Variants in ATXN10 observed in about 807,000 individuals in gnomAD.
ATXN10 encodes the protein ataxin 10.
In ATXN10, 28 loss-of-function variants were observed where a neutral mutation model predicts 52.9. The ratio of observed to expected loss-of-function variants is 0.53; its 90% CI spans 0.39 to 0.73. The LOEUF (loss-of-function observed/expected upper bound fraction) is 0.73. Among genes scored for constraint, ATXN10 ranks in the 30% least tolerant of loss-of-function variants. The pLI is 0.00. For missense variants in ATXN10, 565 were observed against 577.0 expected (o/e 0.98, Z 0.21); for synonymous variants, 226 against 221.5 (o/e 1.02, Z -0.18).
At chr22:45,788,904 C>G (rs565191415) in intron 9 of ATXN10, among the ~76,000 whole-genome samples, 1 of 152,270 alleles carries the variant, frequency 6.6e-6, no homozygotes, top group Admixed American at 6.5e-5. Context: ...CCACCTCACC[C>G]TCCGAAAGCA....
chr22:45,811,609 G>GGT, intron 10 of ATXN10: 2 of 420,618 alleles, frequency 4.8e-6, no homozygotes, highest in South Asian at 3.6e-5. Context: ...ATACCGCCTG[G>GGT]GTGTGTAGTA....
At chr22:45,722,245 A>G (rs1601606367) in intron 6 of ATXN10, among the ~76,000 whole-genome samples, 1 of 152,206 alleles carries the variant, frequency 6.6e-6, no homozygotes, top group Non-Finnish European at 1.5e-5. Flanking sequence ...AGTAACTAGC[A>G]TTTGTCAGAC....
intron 10 of ATXN10, among the ~76,000 whole-genome samples, chr22:45,821,658 C>T (rs990710571): frequency 1.3e-5 from 2 of 152,154 alleles, no homozygotes; most frequent in Admixed American, 6.5e-5. Context: ...GTATAACTTA[C>T]ATATAGTAAA....
At chr22:45,756,765 T>A (rs761518678) in intron 9 of ATXN10, among the ~76,000 whole-genome samples, 4 of 152,214 alleles carry the variant, frequency 2.6e-5, no homozygotes, top group Non-Finnish European at 5.9e-5. Context: ...TTAGCTCATA[T>A]TACTCTCAGA....
chr22:45,822,794 T>C (rs1262731538), intron 10 of ATXN10, among the ~76,000 whole-genome samples: 1 of 152,156 alleles, frequency 6.6e-6, no homozygotes, highest in Admixed American at 6.5e-5. Context: ...AGTGTTGGGA[T>C]TACAGATGTG....
rs372987203 is a variant in ATXN10, at chr22:45,840,793, A to G, written c.1238-2198A>G. 3.9e-5 allele frequency among the ~76,000 whole-genome samples: 6 copies of G among 152,302 alleles called. No individual in the cohort carries two copies. The East Asian group carries it at 9.6e-4, about 24-fold the overall frequency. ...GAATTTCAGCTTTCCTACTTTAATT[A>G]TATTTAAGTGAATAACCAGGACGTT... is the stretch of plus-strand genomic sequence containing the variant. On this transcript the variant is annotated intron_variant, in intron 10 of 11. Coordinates refer to ENST00000252934, the MANE Select transcript of ATXN10 (RefSeq NM_013236.4). This position sits in a 1 kb window ranked among gnomAD's most constrained non-coding sequence, Gnocchi z 5.8.
chr22:45,774,652 G>T lies in ATXN10; in HGVS notation c.1174-32307G>T, dbSNP rs189032067. 1.3e-5 allele frequency among the ~76,000 whole-genome samples: 2 copies of T among 152,284 alleles called. No homozygotes were observed. Among genetic ancestry groups the T allele is most frequent in the East Asian group, 3.9e-4 (2 of 5,170 alleles). On this transcript the variant is annotated intron_variant, in intron 9 of 11. Transcript: ENST00000252934. The surrounding 1 kb of genome is among the most constrained non-coding windows in gnomAD (Gnocchi z 6.2). The stretch of plus-strand genomic sequence containing the variant: ...TTTTTTACAAAATAAAGGCAGGGGG[G>T]CTGGACGCGGTGGCTCACGCTTATA...
intron 9 of ATXN10, chr22:45,793,713 T>C (rs538870306): frequency 2.0e-6 from 3 of 1,478,248 alleles, no homozygotes; most frequent in East Asian, 2.7e-5. Context: ...GCTGAGGCCC[T>C]CTTGCCTGCT....
At position 45,828,168 on chromosome 22, in the gene ATXN10, T is replaced by C. The variant is rs964817248; in HGVS notation, c.1238-14823T>C. The stretch of plus-strand genomic sequence containing the variant: ...GAGTTCAGGACCTGCCTGGGCAACA[T>C]GGTGAAGCCCCATCTCTATTAAAAA... On this transcript the variant is annotated intron_variant, in intron 10 of 11. Coordinates refer to ENST00000252934, the MANE Select transcript of ATXN10 (RefSeq NM_013236.4). The surrounding 1 kb of genome is among the most constrained non-coding windows in gnomAD (Gnocchi z 4.5). Among the ~76,000 whole-genome samples the C allele has an allele frequency of 2.0e-5, 3 of 150,680 alleles. No individual in the cohort carries two copies. Among genetic ancestry groups the C allele is most frequent in the Non-Finnish European group, 4.4e-5 (3 of 67,806 alleles).
At chr22:45,706,524 A>G (rs1688846328) in intron 5 of ATXN10, among the ~76,000 whole-genome samples, 1 of 152,168 alleles carries the variant, frequency 6.6e-6, no homozygotes, top group Admixed American at 6.5e-5. Flanking sequence ...TCTTTTTTAC[A>G]TAGGCATTTA....
rs1396134498 is a variant in ATXN10 at position 45,763,413 on chromosome 22, CCTCG to C, written c.1173+22882_1173+22885del. ...CAAGCTGAGGCCTTTGGACTTGGCC[CCTCG>C]CTCGCTTTGCCAGGAGACAGGCGGC... On this transcript the variant is annotated intron_variant, in intron 9 of 11. Coordinates refer to ENST00000252934, the MANE Select transcript of ATXN10 (RefSeq NM_013236.4). This position sits in a 1 kb window ranked among gnomAD's most constrained non-coding sequence, Gnocchi z 6.9. Among the ~76,000 whole-genome samples, 15 of 152,168 alleles carry C rather than the reference CCTCG, an allele frequency of 9.9e-5. No homozygotes were observed. Among genetic ancestry groups the C allele is most frequent in the African/African-American group, 3.6e-4 (15 of 41,444 alleles).
chr22:45,742,839 C>G (rs75323048), intron 9 of ATXN10, among the ~76,000 whole-genome samples: 1 of 147,722 alleles, frequency 6.8e-6, no homozygotes, highest in South Asian at 2.1e-4. Context: ...TGATTCCCCC[C>G]TTGGGAAATT....
At chr22:45,767,411 A>C (rs957440120) in intron 9 of ATXN10, among the ~76,000 whole-genome samples, 2 of 151,918 alleles carry the variant, frequency 1.3e-5, no homozygotes, top group South Asian at 4.1e-4. Context: ...ATATATTTAT[A>C]TACACATATG....
rs1926200562 is a variant in ATXN10 at position 45,757,100 on chromosome 22, C to CAAG, written c.1173+16562_1173+16563insAAG. Among the ~76,000 whole-genome samples, 1 of 152,088 alleles carries CAAG rather than the reference C, an allele frequency of 6.6e-6. No individual in the cohort carries two copies. Among genetic ancestry groups the CAAG allele is most frequent in the Non-Finnish European group, 1.5e-5 (1 of 68,012 alleles). ...GCGGAGGAATGGCTTTGGTCTGCAC[C>CAAG]TGCAGCTCTGGACGGACTGCCTGGG... On this transcript the variant is annotated intron_variant, in intron 9 of 11. Transcript: ENST00000252934. The surrounding 1 kb of genome is among the most constrained non-coding windows in gnomAD (Gnocchi z 4.6).
In ATXN10 at chr22:45,715,371, C is replaced by T. The variant is rs1183393332; in HGVS notation, c.648-3042C>T. On this transcript the variant is annotated intron_variant, in intron 5 of 11. Coordinates refer to ENST00000252934, the MANE Select transcript of ATXN10 (RefSeq NM_013236.4). The surrounding 1 kb of genome is among the most constrained non-coding windows in gnomAD (Gnocchi z 4.4). ...TTCAGCCATGGGCAGGACTCATAGA[C>T]AAATATCAGTATAGACTGATGTTTT... is the stretch of plus-strand genomic sequence containing the variant. Among the ~76,000 whole-genome samples, 1 of 152,136 alleles carries T rather than the reference C, an allele frequency of 6.6e-6. No homozygotes were observed. The highest frequency in any genetic ancestry group is 1.5e-5 in the Non-Finnish European group (1 of 68,022).
chr22:45,717,815 T>C (rs1405678936), intron 5 of ATXN10, among the ~76,000 whole-genome samples: 2 of 152,192 alleles, frequency 1.3e-5, no homozygotes, highest in Non-Finnish European at 2.9e-5. Context: ...ATATAATTCA[T>C]AATTAATTAA....
rs1926878421 is a variant in ATXN10 at position 45,774,338 on chromosome 22, C to T, written c.1174-32621C>T. ...AATGGCAGCCTGTCCCTACCAGTCC[C>T]TGCATCGCTATTTTGGAGTGAGACA... On this transcript the variant is annotated intron_variant, in intron 9 of 11. Coordinates refer to ENST00000252934, the MANE Select transcript of ATXN10 (RefSeq NM_013236.4). The surrounding 1 kb of genome is among the most constrained non-coding windows in gnomAD (Gnocchi z 6.2). 6.6e-6 allele frequency among the ~76,000 whole-genome samples: 1 copy of T among 152,238 alleles called. No homozygotes were observed. The highest frequency in any genetic ancestry group is 1.5e-5 in the Non-Finnish European group (1 of 68,046).
intron 5 of ATXN10, among the ~76,000 whole-genome samples, chr22:45,717,665 TA>T (rs1379398680): frequency 6.6e-6 from 1 of 152,212 alleles, no homozygotes; most frequent in African/African-American, 2.4e-5. Flanking sequence ...AATATAGTTT[TA>T]TTGTATTTTT....
At chr22:45,693,188 A>C (rs1371548364) in intron 3 of ATXN10, 110 bp downstream of exon 3, 7 of 898,176 alleles carry the variant, frequency 7.8e-6, no homozygotes, top group East Asian at 2.6e-5. Flanking sequence ...ATTTCATGAG[A>C]TAGGGAAACT....
Sources: gnomAD v4.1 joint callset for allele counts (sites outside exome capture counted in the v4.1 genomes callset) on GRCh38, gnomAD v4.1.1 for gene constraint, Gnocchi (gnomAD v3.1) non-coding constraint, MANE v1.5 for transcripts, NCBI Gene and HGNC (gene_info 2026-07-23, HGNC 2026-07-21) for gene names.